Variants in ZPBP observed in about 807,000 individuals in gnomAD.
The protein encoded by ZPBP is zona pellucida binding protein, also known as zona pellucida-binding protein 1.
In ZPBP, 26 loss-of-function variants were observed where a neutral mutation model predicts 44.8. The ratio of observed to expected loss-of-function variants is 0.58; its 90% CI spans 0.43 to 0.81. The LOEUF (loss-of-function observed/expected upper bound fraction) is 0.81. Ranked by LOEUF, ZPBP falls within the 30% of genes least tolerant of loss-of-function variation. The pLI is 0.00. For synonymous variants in ZPBP, 174 were observed against 153.2 expected (o/e 1.14, Z -1.00); for missense variants, 409 against 434.0 (o/e 0.94, Z 0.51).
At chr7:50,006,104 A>G (rs1346158720) in intron 6 of ZPBP, among the ~76,000 whole-genome samples, 1 of 151,962 alleles carries the variant, frequency 6.6e-6, no homozygotes, top group Non-Finnish European at 1.5e-5. Context: ...TATAATAATC[A>G]TAAATATATA....
At position 50,060,534 on chromosome 7, in the gene ZPBP, G is replaced by A. The variant is rs186198500; in HGVS notation, c.335-2393C>T. Among the ~76,000 whole-genome samples, 253 of 152,120 alleles carry A rather than the reference G, an allele frequency of 1.7e-3. 3 individuals are homozygous for A. Among genetic ancestry groups the A allele is most frequent in the African/African-American group, 5.6e-3 (232 of 41,502 alleles). On this transcript the variant is annotated intron_variant, in intron 3 of 7. Transcript: ENST00000046087. The stretch of plus-strand genomic sequence containing the variant: ...AACCATCAGAGACTATTACAAATAT[G>A]TCCATGCCCATTAACTAGAAAACCT...
intron 5 of ZPBP, among the ~76,000 whole-genome samples, chr7:50,029,478 T>C (rs930875429): frequency 6.6e-6 from 1 of 152,072 alleles, no homozygotes; most frequent in Non-Finnish European, 1.5e-5. Flanking sequence ...AAATTGGACA[T>C]CATCAAAATT....
intron 2 of ZPBP, among the ~76,000 whole-genome samples, chr7:49,885,405 A>T (rs1791856600): frequency 6.6e-6 from 1 of 152,156 alleles, no homozygotes; most frequent in African/African-American, 2.4e-5. Context: ...CATAAAAATT[A>T]AGAATAAAAA....
intron 5 of ZPBP, among the ~76,000 whole-genome samples, chr7:50,023,583 CCACACACATA>C (rs1261573207): frequency 6.6e-6 from 1 of 151,850 alleles, no homozygotes; most frequent in African/African-American, 2.4e-5. Context: ...GTTCAGCTTT[CCACACACATA>C]CACACACACA....
At chr7:49,941,352 T>A (rs775691016) in intron 7 of ZPBP, among the ~76,000 whole-genome samples, 1 of 152,160 alleles carries the variant, frequency 6.6e-6, no homozygotes, top group Admixed American at 6.6e-5. Context: ...TGCACCCATG[T>A]CCATTGTCAC....
At chr7:50,084,296 G>T (rs1802515606) in intron 2 of ZPBP, among the ~76,000 whole-genome samples, 1 of 150,036 alleles carries the variant, frequency 6.7e-6, no homozygotes, top group Admixed American at 6.7e-5. Flanking sequence ...GTCCTATGAT[G>T]CTAAAACCTC....
At chr7:49,892,838 A>G (rs1436238392) in intron 2 of ZPBP, among the ~76,000 whole-genome samples, 5 of 152,334 alleles carry the variant, frequency 3.3e-5, no homozygotes, top group African/African-American at 1.2e-4. Flanking sequence ...ACTGTGAGAA[A>G]AGACTTCTAT....
intron 2 of ZPBP, among the ~76,000 whole-genome samples, chr7:49,877,481 A>AAAAAAAAAACATATATATATATATAT: frequency 7.9e-5 from 1 of 12,722 alleles, no homozygotes; most frequent in African/African-American, 2.8e-4. Context: ...AAAAAAAAAA[A>AAAAAAAAAACATATATATATATATAT]ATATATATAT....
chr7:50,069,984 T>A (rs1185555904), intron 3 of ZPBP, among the ~76,000 whole-genome samples: 2 of 152,092 alleles, frequency 1.3e-5, no homozygotes, highest in African/African-American at 4.8e-5. Context: ...ATCTCTTTCA[T>A]GCCATTTCAC....
intron 7 of ZPBP, among the ~76,000 whole-genome samples, chr7:49,970,856 TAATAAATA>T (rs148724446): frequency 1.4e-3 from 204 of 142,584 alleles, no homozygotes; most frequent in South Asian, 5.8e-3. Context: ...CTCTACAAAA[TAATAAATA>T]AATAAATAAA....
chr7:49,908,849 C>G (rs1278695705), intron 1 of ZPBP, among the ~76,000 whole-genome samples: 3 of 151,912 alleles, frequency 2.0e-5, no homozygotes, highest in Admixed American at 2.0e-4. Context: ...ATTTGAACAT[C>G]AAAAAGAATA....
intron 6 of ZPBP, among the ~76,000 whole-genome samples, chr7:50,005,487 TGG>T (rs1798265927): frequency 6.6e-6 from 1 of 152,024 alleles, no homozygotes; most frequent in South Asian, 2.1e-4. Flanking sequence ...CATCAAAATA[TGG>T]GAAGGTGCAG....
rs375734078 is a variant in ZPBP, at chr7:49,851,421, G to C, written n.510-907C>G. 1.6e-3 allele frequency among the ~76,000 whole-genome samples: 236 copies of C among 152,220 alleles called. 3 individuals are homozygous for C. The highest frequency in any genetic ancestry group is 5.4e-3 in the African/African-American group (226 of 41,536). ...CACCAGAGCCTGGCTCATAGCAGAC[G>C]GGCACTTAAGGATGTCTGCCCACAG... On this transcript the variant is annotated intron_variant and non_coding_transcript_variant, in intron 2 of 2. Coordinates refer to the ZPBP transcript ENST00000465922.
chr7:50,045,326 AG>A (rs1190243797), intron 4 of ZPBP, among the ~76,000 whole-genome samples: 1 of 152,218 alleles, frequency 6.6e-6, no homozygotes, highest in Non-Finnish European at 1.5e-5. Context: ...AAAAACATAA[AG>A]GGTATTCAAA....
chr7:49,874,118 G>A (rs1583725274), intron 2 of ZPBP, among the ~76,000 whole-genome samples: 1 of 152,214 alleles, frequency 6.6e-6, no homozygotes, highest in East Asian at 1.9e-4. Flanking sequence ...GGCAAAGGAT[G>A]CCCTTGCTCT....
At chr7:50,058,732 TCA>T (rs1388252129) in intron 3 of ZPBP, among the ~76,000 whole-genome samples, 1 of 152,146 alleles carries the variant, frequency 6.6e-6, no homozygotes, top group Non-Finnish European at 1.5e-5. Flanking sequence ...CATCACATAA[TCA>T]CACAGTTGCA....
intron 2 of ZPBP, among the ~76,000 whole-genome samples, chr7:49,861,592 C>A (rs1036474544): frequency 1.3e-5 from 2 of 152,088 alleles, no homozygotes; most frequent in Admixed American, 1.3e-4. Context: ...AAGATTTAAA[C>A]CTTTATTTTC....
At chr7:49,922,753 G>A (rs1272407993) in intron 1 of ZPBP, among the ~76,000 whole-genome samples, 2 of 152,154 alleles carry the variant, frequency 1.3e-5, no homozygotes, top group Admixed American at 1.3e-4. Context: ...TAGCTCCACT[G>A]GGCTGCATTC....
intron 3 of ZPBP, among the ~76,000 whole-genome samples, chr7:50,059,530 T>C (rs1350241176): frequency 6.6e-6 from 1 of 152,200 alleles, no homozygotes; most frequent in Non-Finnish European, 1.5e-5. Context: ...TATCCTAACA[T>C]GCCAAGTCTT....
Sources: allele counts gnomAD v4.1 joint callset (sites outside exome capture counted in the v4.1 genomes callset), GRCh38; gene constraint gnomAD v4.1.1; transcripts MANE v1.5; gene names NCBI Gene and HGNC (gene_info 2026-07-23, HGNC 2026-07-21).